The following ANK2 variants were observed in gnomAD, a reference collection of about 807,000 sequenced individuals.
The protein encoded by ANK2 is ankyrin 2, also known as ankyrin-2.
In ANK2, 83 loss-of-function variants were observed where a neutral mutation model predicts 360.5. The ratio of observed to expected loss-of-function variants is 0.23; its 90% CI spans 0.19 to 0.28. ANK2 has a LOEUF of 0.28. ANK2 is among the 10% of genes least tolerant of loss of function. The pLI is 1.00. For synonymous variants in ANK2, 1,740 were observed against 1,759.5 expected, an observed-to-expected ratio of 0.99 and a Z score of 0.28; for missense variants, 4,201 against 4,795.7, an observed-to-expected ratio of 0.88 and a Z score of 3.66.
intron 45 of ANK2, among the ~76,000 whole-genome samples, chr4:113,379,672 T>A (rs1264629026): frequency 1.3e-5 from 2 of 152,122 alleles, no homozygotes; most frequent in Non-Finnish European, 2.9e-5. Context: ...AATTTGACCT[T>A]TTCATCAGCA....
At chr4:112,941,343 A>G (rs933519635) in intron 2 of ANK2, among the ~76,000 whole-genome samples, 2 of 146,306 alleles carry the variant, frequency 1.4e-5, no homozygotes, top group Admixed American at 6.8e-5. Flanking sequence ...CTACATATAA[A>G]AAGTTATATA....
intron 2 of ANK2, among the ~76,000 whole-genome samples, chr4:113,183,542 G>A (rs2098457350): frequency 6.6e-6 from 1 of 152,172 alleles, no homozygotes; most frequent in Non-Finnish European, 1.5e-5. Context: ...ACTATGCATA[G>A]GATTCATGCC....
intron 1 of ANK2, among the ~76,000 whole-genome samples, chr4:113,078,429 T>C (rs1389125291): frequency 6.6e-6 from 1 of 152,204 alleles, no homozygotes; most frequent in Non-Finnish European, 1.5e-5. Flanking sequence ...TCGTCAATAG[T>C]AGCCGTGGTG....
chr4:113,207,053 A>G (rs1036069101), intron 4 of ANK2, among the ~76,000 whole-genome samples: 5 of 152,120 alleles, frequency 3.3e-5, no homozygotes, highest in African/African-American at 9.7e-5. Flanking sequence ...AGACATTACT[A>G]TTCTCTATTC....
chr4:112,839,902 A>C (rs999234669), intron 1 of ANK2, among the ~76,000 whole-genome samples: 3 of 151,784 alleles, frequency 2.0e-5, no homozygotes, highest in Admixed American at 2.0e-4. Flanking sequence ...TCAGGGAAAA[A>C]CCTCTTAAAA....
chr4:112,935,627 A>C (rs192048876), intron 2 of ANK2, among the ~76,000 whole-genome samples: 1 of 140,360 alleles, frequency 7.1e-6, no homozygotes, highest in African/African-American at 3.1e-5. Context: ...GGATTGCTTT[A>C]GCTTGGCAGT....
chr4:112,719,072 C>A, the ANK2 span, among the ~76,000 whole-genome samples: 1 of 152,246 alleles, frequency 6.6e-6, no homozygotes, highest in African/African-American at 2.4e-5. Context: ...ACTAACTGAG[C>A]TCTGTGTGTG....
At chr4:112,976,457 G>A (rs1395232725) in intron 2 of ANK2, among the ~76,000 whole-genome samples, 1 of 152,154 alleles carries the variant, frequency 6.6e-6, no homozygotes, top group Non-Finnish European at 1.5e-5. Flanking sequence ...GCCTCCCAAA[G>A]TGCTGGATTA....
intron 1 of ANK2, among the ~76,000 whole-genome samples, chr4:113,101,029 A>G (rs10025185): frequency 0.48 from 73,600 of 151,920 alleles, 18,852 homozygotes; most frequent in African/African-American, 0.64. Flanking sequence ...TCGTGAAACT[A>G]TTCTGTATGA....
At position 113,356,895 on chromosome 4, in the gene ANK2, T is replaced by C. The variant is rs2154026618; in HGVS notation, c.8277T>C (p.Tyr2759=). The change falls in exon 38 of 46, where the codon TAT becomes TAC. Residue 2759 remains tyrosine, a synonymous_variant. Transcript: ENST00000357077. ...CCACTGAGGCTGAAGACAGGTCTTA[T>C]GATAAGCTAAACAGAGACACTGATC... is the stretch of plus-strand genomic sequence containing the variant. ...AVSTEAEDRS[Y]DKLNRDTDQP... is the part of the protein sequence containing the mutation. The C allele has an allele frequency of 1.2e-6, 2 of 1,614,076 alleles. No individual in the cohort carries two copies. Among genetic ancestry groups the C allele is most frequent in the South Asian group, 1.1e-5 (1 of 91,086 alleles).
At chr4:112,861,599 A>G (rs1256383135) in intron 1 of ANK2, among the ~76,000 whole-genome samples, 1 of 152,164 alleles carries the variant, frequency 6.6e-6, no homozygotes, top group Non-Finnish European at 1.5e-5. Context: ...GCTTTGAAGC[A>G]AGTTACTTGA....
chr4:112,844,735 A>T (rs2062900818), intron 1 of ANK2, among the ~76,000 whole-genome samples: 1 of 152,332 alleles, frequency 6.6e-6, no homozygotes, highest in Non-Finnish European at 1.5e-5. Context: ...ATAAAATTTT[A>T]TGCATCTGTA....
chr4:113,297,394 G>T (rs749355727), intron 22 of ANK2, among the ~76,000 whole-genome samples: 1 of 152,048 alleles, frequency 6.6e-6, no homozygotes, highest in Admixed American at 6.6e-5. Context: ...ATCTAATTGG[G>T]TATTACTTTC....
intron 1 of ANK2, among the ~76,000 whole-genome samples, chr4:113,133,829 G>C (rs2096226898): frequency 6.6e-6 from 1 of 151,954 alleles, no homozygotes; most frequent in Non-Finnish European, 1.5e-5. Flanking sequence ...GGAAGGAAGA[G>C]GTAAGACCCC....
At chr4:113,092,454 A>G (rs1353232408) in intron 1 of ANK2, among the ~76,000 whole-genome samples, 1 of 151,758 alleles carries the variant, frequency 6.6e-6, no homozygotes, top group Non-Finnish European at 1.5e-5. Context: ...CTCAGACCCC[A>G]GCTTTGACCT....
intron 1 of ANK2, among the ~76,000 whole-genome samples, chr4:113,150,294 A>G (rs1246981188): frequency 6.6e-6 from 1 of 152,186 alleles, no homozygotes; most frequent in Non-Finnish European, 1.5e-5. Context: ...GAAGCAAACA[A>G]AAGAATAATG....
intron 2 of ANK2, among the ~76,000 whole-genome samples, chr4:112,979,398 G>A (rs552902439): frequency 3.9e-4 from 60 of 152,252 alleles, no homozygotes; most frequent in Non-Finnish European, 6.8e-4. Context: ...CAGGGACTGC[G>A]GAGCCCCAAA....
chr4:113,326,384 G>T (rs2089935221), intron 26 of ANK2, among the ~76,000 whole-genome samples: 1 of 152,050 alleles, frequency 6.6e-6, no homozygotes, highest in Non-Finnish European at 1.5e-5. Flanking sequence ...CTTATTTAAA[G>T]AAAAGACTTC....
intron 23 of ANK2, among the ~76,000 whole-genome samples, chr4:113,306,450 T>C (rs751231225): frequency 3.3e-5 from 5 of 152,226 alleles, no homozygotes; most frequent in Non-Finnish European, 7.3e-5. Context: ...GTTTGAATTC[T>C]TAACTGAAAG....
Sources: gnomAD v4.1 joint callset for allele counts (sites outside exome capture counted in the v4.1 genomes callset) on GRCh38, gnomAD v4.1.1 for gene constraint, MANE v1.5 for transcripts, NCBI Gene and HGNC (gene_info 2026-07-23, HGNC 2026-07-21) for gene names.